DCP2: variants seen among roughly 807,000 people sequenced by gnomAD.
DCP2 encodes the protein decapping mRNA 2.
DCP2 carries 30 observed loss-of-function variants against 56.1 expected under a neutral mutation model. The observed-to-expected ratio is 0.53, with a 90% confidence interval of 0.40 to 0.73. DCP2 has a LOEUF of 0.73. Among genes scored for constraint, DCP2 ranks in the 30% least tolerant of loss-of-function variants. The probability of loss-of-function intolerance (pLI) is 0.00; values close to 1 mark genes in which losing one functional copy is unlikely to be tolerated. For missense variants in DCP2, 533 were observed against 502.7 expected (o/e 1.06, Z -0.58); for synonymous variants, 197 against 163.3 (o/e 1.21, Z -1.57).
At chr5:112,999,089 T>A (rs974013560) in intron 4 of DCP2, among the ~76,000 whole-genome samples, 1 of 152,224 alleles carries the variant, frequency 6.6e-6, no homozygotes, top group Non-Finnish European at 1.5e-5. Context: ...TCTTCAGTAC[T>A]TTCTTTTATT....
intron 4 of DCP2, among the ~76,000 whole-genome samples, chr5:112,995,656 G>T (rs546753651): frequency 2.0e-5 from 3 of 152,214 alleles, no homozygotes; most frequent in Admixed American, 6.5e-5. Context: ...CATTCTTTTT[G>T]ATCTCTATGA....
chr5:112,998,082 A>G (rs904035850), intron 4 of DCP2, among the ~76,000 whole-genome samples: 1 of 152,214 alleles, frequency 6.6e-6, no homozygotes, highest in African/African-American at 2.4e-5. Flanking sequence ...GTCTGTTTAT[A>G]TATTTCAACT....
intron 10 of DCP2, among the ~76,000 whole-genome samples, chr5:113,012,666 CAG>C (rs1170620007): frequency 1.3e-5 from 2 of 151,932 alleles, no homozygotes; most frequent in African/African-American, 4.8e-5. Flanking sequence ...TTTTTTGAGA[CAG>C]AGTCTTGCTG....
intron 1 of DCP2, 60 bp downstream of exon 1, chr5:112,977,046 C>G (rs974267599): frequency 1.4e-6 from 2 of 1,382,168 alleles, no homozygotes; most frequent in East Asian, 2.6e-5. Context: ...CGCGGACCCC[C>G]AGAGGCCTCT....
intron 10 of DCP2, 134 bp from the exon 11 acceptor site, chr5:113,013,187 T>C (rs1749749813): frequency 2.5e-6 from 2 of 814,934 alleles, no homozygotes; most frequent in African/African-American, 3.5e-5. Context: ...ATTTTGGTGG[T>C]TCTGTTTAGG....
chr5:112,986,084 G>A, intron 2 of DCP2, 98 bp downstream of exon 2: 1 of 1,238,452 alleles, frequency 8.1e-7, no homozygotes, highest in East Asian at 2.4e-5. Flanking sequence ...AAAACTATTA[G>A]AGAAAAACAT....
Position 113,010,940 on chromosome 5 carries a change from G to A in DCP2, c.1099+133G>A, listed in dbSNP as rs4705747. ...GAGTTGCATATGTTCTGTAGAAAGA[G>A]TTCATGTATGTAGAGTTCTCTAAGA... On this transcript the variant is annotated intron_variant, in intron 10 of 10. Transcript: ENST00000389063. 8.7e-4 allele frequency: 783 copies of A among 899,616 alleles called. 10 individuals carry two copies. In the Admixed American group the frequency reaches 0.023, roughly 26 times the overall value. The allele number at this position is 899,616 out of a possible 1,614,324, so 55.7% of individuals were successfully genotyped here. A position where few individuals can be genotyped will look rare whatever the true frequency, so the allele number is the denominator to read the frequency against.
At chr5:113,003,863 A>T in intron 7 of DCP2, 79 bp from the exon 8 acceptor site, 1 of 1,480,130 alleles carries the variant, frequency 6.8e-7, no homozygotes, top group South Asian at 1.2e-5. Context: ...TATGTAGTCT[A>T]TAAATTTAAC....
At chr5:113,010,936 A>AATTCT in intron 10 of DCP2, 129 bp downstream of exon 10, 6 of 964,878 alleles carry the variant, frequency 6.2e-6, no homozygotes, top group Non-Finnish European at 6.0e-6. Flanking sequence ...GTTCTGTAGA[A>AATTCT]AGAGTTCATG....
At chr5:113,002,273 A>T (rs562454593) in intron 7 of DCP2, among the ~76,000 whole-genome samples, 13 of 152,080 alleles carry the variant, frequency 8.5e-5, no homozygotes, top group African/African-American at 2.9e-4. Context: ...AAGTACAAAA[A>T]TTAGCTGGGC....
chr5:113,013,023 T>C (rs2150193770), intron 10 of DCP2, among the ~76,000 whole-genome samples: 1 of 152,290 alleles, frequency 6.6e-6, no homozygotes, highest in South Asian at 2.1e-4. Context: ...GCACATAAAA[T>C]AGGTAAAGCA....
intron 2 of DCP2, among the ~76,000 whole-genome samples, chr5:112,987,837 G>T (rs1561687950): frequency 6.6e-6 from 1 of 150,414 alleles, no homozygotes. Flanking sequence ...TTGCCTTGTT[G>T]CCCAGTCTGG....
rs144451239 is a variant in DCP2 at position 113,013,461 on chromosome 5, A to C, written c.1240A>C (p.Ile414Leu). 1.2e-6 allele frequency: 2 copies of C among 1,614,030 alleles called. No individual in the cohort carries two copies. Among genetic ancestry groups the C allele is most frequent in the Non-Finnish European group, 1.7e-6 (2 of 1,179,996 alleles). Residue 414 changes from isoleucine to leucine, a missense_variant, in exon 11 of 11, where the codon ATA becomes CTA. This residue lies in a region of DCP2 where 392 missense variants were observed against 346.6 expected (regional missense o/e 1.13). Transcript: ENST00000389063. ...GAGTTTCAAGTTTGACCATAATGCT[A>C]TAATGAAAATCTTGGACCTTTGATA... is the stretch of plus-strand genomic sequence containing the variant. ...FLSFKFDHNAIMKILDL is the reference protein window; with the variant it reads ...FLSFKFDHNALMKILDL
chr5:113,004,904 A>C (rs1580826688), intron 8 of DCP2, among the ~76,000 whole-genome samples: 1 of 151,598 alleles, frequency 6.6e-6, no homozygotes, highest in East Asian at 1.9e-4. Flanking sequence ...AGGCGGGTGA[A>C]TCACCTAAGG....
At position 113,021,386 on chromosome 5, in the gene DCP2, CAAAAAA is replaced by C. The variant is rs61532290; in HGVS notation, c.*7915_*7920del. Among the ~76,000 whole-genome samples, 4 of 105,574 alleles carry C rather than the reference CAAAAAA, an allele frequency of 3.8e-5. No homozygotes were observed. Among genetic ancestry groups the C allele is most frequent in the African/African-American group, 6.3e-5 (2 of 31,940 alleles). The allele number at this position is 105,574 out of a possible 152,430, so 69.3% of individuals were successfully genotyped here. On this transcript the variant is annotated 3_prime_UTR_variant, in exon 11 of 11. Coordinates refer to ENST00000389063, the MANE Select transcript of DCP2 (RefSeq NM_152624.6). ...CTGTCTGGAAAAAACAAAAAACAAC[CAAAAAA>C]AAAAAAAAAAAACCCCCAGGAAGAA...
At chr5:113,011,127 T>C (rs1483951191) in intron 10 of DCP2, among the ~76,000 whole-genome samples, 1 of 152,214 alleles carries the variant, frequency 6.6e-6, no homozygotes, top group Admixed American at 6.5e-5. Context: ...TTGTAAAGGC[T>C]AGGAAACCTC....
chr5:113,013,557 T>C lies in DCP2; in HGVS notation c.*73T>C. ...TTTGAGTGGGTGTCTCCTCAAGCCT[T>C]ACCTTTCTCAGGTGTTTTAAAGAAA... On this transcript the variant is annotated 3_prime_UTR_variant, in exon 11 of 11. Coordinates refer to ENST00000389063, the MANE Select transcript of DCP2 (RefSeq NM_152624.6). 1 of 1,538,788 alleles carries C rather than the reference T, an allele frequency of 6.5e-7. No homozygotes were observed. Among genetic ancestry groups the C allele is most frequent in the Non-Finnish European group, 8.8e-7 (1 of 1,132,100 alleles).
At position 113,020,797 on chromosome 5, in the gene DCP2, T is replaced by G. The variant is rs1750085192; in HGVS notation, c.*7313T>G. On this transcript the variant is annotated 3_prime_UTR_variant, in exon 11 of 11. Transcript: ENST00000389063. ...GTTATGCTCTAACTTTTTGAAAGCTTTTTGATGTAAATAATAGGTTAGAAA... is the reference window on the plus strand; with the variant it reads ...GTTATGCTCTAACTTTTTGAAAGCTGTTTGATGTAAATAATAGGTTAGAAA... 1 of 152,218 alleles carries G rather than the reference T, an allele frequency of 6.6e-6. No homozygotes were observed. Among genetic ancestry groups the G allele is most frequent in the Non-Finnish European group, 1.5e-5 (1 of 68,038 alleles). The allele number at this position is 152,218 out of a possible 1,614,324, so 9.4% of individuals were successfully genotyped here. A position where few individuals can be genotyped will look rare whatever the true frequency, so the allele number is the denominator to read the frequency against.
chr5:112,998,458 C>T (rs963532316), intron 4 of DCP2, among the ~76,000 whole-genome samples: 1 of 152,210 alleles, frequency 6.6e-6, no homozygotes, highest in Non-Finnish European at 1.5e-5. Flanking sequence ...CCTCCTACCT[C>T]ATAATACTTA....
Sources: allele counts gnomAD v4.1 joint callset (sites outside exome capture counted in the v4.1 genomes callset), GRCh38; gene constraint gnomAD v4.1.1; regional missense constraint gnomAD v4.1.1; transcripts MANE v1.5; gene names NCBI Gene and HGNC (gene_info 2026-07-23, HGNC 2026-07-21).